The following GRAMD1B variants were observed in gnomAD, a reference collection of about 807,000 sequenced individuals.
GRAMD1B encodes the protein GRAM domain containing 1B, also known as protein Aster-B.
A neutral mutation model predicts 99.7 loss-of-function variants in GRAMD1B; 37 were observed. The ratio of observed to expected loss-of-function variants is 0.37; its 90% CI spans 0.29 to 0.49. The LOEUF (loss-of-function observed/expected upper bound fraction) is 0.49. Ranked by LOEUF, GRAMD1B falls within the 20% of genes least tolerant of loss-of-function variation. GRAMD1B has a pLI of 0.98. For missense variants in GRAMD1B, 888 were observed against 1,009.2 expected, an observed-to-expected ratio of 0.88 and a Z score of 1.63; for synonymous variants, 427 against 387.6, an observed-to-expected ratio of 1.10 and a Z score of -1.19.
chr11:123,457,336 G>A (rs1950206157), intron 1 of GRAMD1B, among the ~76,000 whole-genome samples: 2 of 152,114 alleles, frequency 1.3e-5, no homozygotes, highest in African/African-American at 2.4e-5. Context: ...TCTAAACCAC[G>A]TTTGTTCTTA....
rs568481991 is a variant in GRAMD1B, at chr11:123,621,658, G to A, written c.2545-848G>A. Among the ~76,000 whole-genome samples, 70 of 152,308 alleles carry A rather than the reference G, an allele frequency of 4.6e-4. No individual in the cohort carries two copies. In the South Asian group the frequency reaches 0.013, roughly 28 times the overall value. Reference sequence around the variant, plus strand: ...GGCAAGAGCACAAAGATTCCTGGGCGGGGAGAACAATGTGGCTCAATGTAC... The same window carrying A: ...GGCAAGAGCACAAAGATTCCTGGGCAGGGAGAACAATGTGGCTCAATGTAC... On this transcript the variant is annotated intron_variant, in intron 19 of 19. Coordinates refer to ENST00000635736, the MANE Select transcript of GRAMD1B (RefSeq NM_001387025.1).
At chr11:123,458,855 A>T (rs1448191896) in intron 1 of GRAMD1B, 1 of 152,196 alleles carries the variant, frequency 6.6e-6, no homozygotes. Context: ...GCAAATGGGT[A>T]GTTCCAGGTA....
At chr11:123,525,679 G>T (rs773285274) in intron 2 of GRAMD1B, 4 of 181,898 alleles carry the variant, frequency 2.2e-5, no homozygotes, top group Admixed American at 5.6e-5. Context: ...GGGAAGAGAG[G>T]TGCAGCTTCT....
intron 2 of GRAMD1B, among the ~76,000 whole-genome samples, chr11:123,515,464 T>C (rs1236806735): frequency 6.6e-6 from 1 of 152,204 alleles, no homozygotes; most frequent in African/African-American, 2.4e-5. Flanking sequence ...GATTTGACTA[T>C]GTATCCTGCA....
At position 123,587,266 on chromosome 11, in the gene GRAMD1B, A is replaced by C. The variant is rs536260620; in HGVS notation, c.684+2934A>C. Among the ~76,000 whole-genome samples, 5 of 152,236 alleles carry C rather than the reference A, an allele frequency of 3.3e-5. No homozygotes were observed. In the East Asian group the frequency reaches 9.6e-4, roughly 29 times the overall value. On this transcript the variant is annotated intron_variant, in intron 4 of 19. Coordinates refer to ENST00000635736, the MANE Select transcript of GRAMD1B (RefSeq NM_001387025.1). This position sits in a 1 kb window ranked among gnomAD's most constrained non-coding sequence, Gnocchi z 4.2. ...ACACAGGGAGAGGCCATAGCAGGAG[A>C]GTGTCAGGTCCAGAGTGGGGTTTGA...
At chr11:123,575,626 C>T (rs1340849923) in intron 2 of GRAMD1B, among the ~76,000 whole-genome samples, 1 of 152,180 alleles carries the variant, frequency 6.6e-6, no homozygotes, top group African/African-American at 2.4e-5. Flanking sequence ...CAAGGAGGCT[C>T]ACCCCAGAAA....
chr11:123,476,347 C>T (rs1056692799), intron 1 of GRAMD1B, among the ~76,000 whole-genome samples: 4 of 152,292 alleles, frequency 2.6e-5, no homozygotes, highest in Admixed American at 6.5e-5. Flanking sequence ...GTGATCTACC[C>T]GCCTCGGCTT....
chr11:123,497,298 T>C (rs1222537685), intron 2 of GRAMD1B, among the ~76,000 whole-genome samples: 1 of 152,222 alleles, frequency 6.6e-6, no homozygotes, highest in Non-Finnish European at 1.5e-5. Context: ...GTTAGCCTCC[T>C]GGAACTGAGA....
intron 1 of GRAMD1B, among the ~76,000 whole-genome samples, chr11:123,394,804 T>G (rs185598302): frequency 7.9e-5 from 12 of 152,226 alleles, no homozygotes; most frequent in African/African-American, 2.4e-4. Context: ...TGCCAGCAGG[T>G]TTAGTGTTTG....
chr11:123,379,408 TA>T (rs111696411), intron 1 of GRAMD1B, among the ~76,000 whole-genome samples: 80 of 148,734 alleles, frequency 5.4e-4, no homozygotes, highest in Middle Eastern at 3.4e-3. Flanking sequence ...TGAGATATCT[TA>T]AAAAAAAAAC....
chr11:123,365,398 C>T (rs143530305), intron 1 of GRAMD1B, among the ~76,000 whole-genome samples: 4 of 152,264 alleles, frequency 2.6e-5, no homozygotes, highest in African/African-American at 9.6e-5. Flanking sequence ...ATTACAGGCA[C>T]GTGCCACCAT....
chr11:123,371,205 G>T (rs1175592817), intron 1 of GRAMD1B, among the ~76,000 whole-genome samples: 1 of 152,060 alleles, frequency 6.6e-6, no homozygotes, highest in African/African-American at 2.4e-5. Context: ...TTGAATTGTT[G>T]AGAGGGTGAC....
intron 1 of GRAMD1B, among the ~76,000 whole-genome samples, chr11:123,435,146 A>G (rs1949103175): frequency 6.6e-6 from 1 of 152,212 alleles, no homozygotes; most frequent in South Asian, 2.1e-4. Flanking sequence ...TCCTCACACA[A>G]TTCAGGATTT....
In GRAMD1B at chr11:123,597,831, C is replaced by T. The variant is rs1464538980; in HGVS notation, c.969+1794C>T. The T allele has an allele frequency of 1.4e-5, 9 of 663,654 alleles. No individual in the cohort carries two copies. In the African/African-American group the frequency reaches 1.4e-4, roughly 11 times the overall value. 41.1% of individuals were successfully genotyped at this position (663,654 alleles called of 1,614,324 possible). ...TTGTTTCTACAAGTTGCATGCTAGACCATGAAACTAAGTAGCAAAAGGTCT... is the reference window on the plus strand; with the variant it reads ...TTGTTTCTACAAGTTGCATGCTAGATCATGAAACTAAGTAGCAAAAGGTCT... On this transcript the variant is annotated intron_variant, in intron 7 of 19. Coordinates refer to ENST00000635736, the MANE Select transcript of GRAMD1B (RefSeq NM_001387025.1).
intron 2 of GRAMD1B, among the ~76,000 whole-genome samples, chr11:123,545,560 A>G (rs572330918): frequency 2.5e-4 from 38 of 152,324 alleles, no homozygotes; most frequent in African/African-American, 9.1e-4. Context: ...CCCACCAGCT[A>G]CTATCTGTAC....
intron 10 of GRAMD1B, among the ~76,000 whole-genome samples, chr11:123,605,747 C>G (rs1952627617): frequency 6.6e-6 from 1 of 152,216 alleles, no homozygotes; most frequent in Non-Finnish European, 1.5e-5. Context: ...CTGTGCTGGG[C>G]TGCTGCTGAT....
At chr11:123,575,428 C>T (rs1948609622) in intron 2 of GRAMD1B, among the ~76,000 whole-genome samples, 1 of 152,196 alleles carries the variant, frequency 6.6e-6, no homozygotes, top group African/African-American at 2.4e-5. Context: ...AATGATCCTC[C>T]TGCCTCAGTC....
At chr11:123,500,682 TA>T (rs1299373109) in intron 2 of GRAMD1B, among the ~76,000 whole-genome samples, 3 of 152,122 alleles carry the variant, frequency 2.0e-5, no homozygotes, top group Non-Finnish European at 4.4e-5. Context: ...GAAACCTTTT[TA>T]TTTTTTTTTT....
chr11:123,500,837 C>G (rs1265700825), intron 2 of GRAMD1B, among the ~76,000 whole-genome samples: 1 of 152,102 alleles, frequency 6.6e-6, no homozygotes, highest in Non-Finnish European at 1.5e-5. Context: ...CCACTCCTGG[C>G]TAATTTTTGT....
Sources: allele counts gnomAD v4.1 joint callset (sites outside exome capture counted in the v4.1 genomes callset), GRCh38; gene constraint gnomAD v4.1.1; non-coding constraint Gnocchi (gnomAD v3.1); transcripts MANE v1.5; gene names NCBI Gene and HGNC (gene_info 2026-07-23, HGNC 2026-07-21).